BBS9: variants seen among roughly 807,000 people sequenced by gnomAD.
BBS9 encodes the protein Bardet-Biedl syndrome 9, also known as protein PTHB1.
BBS9 carries 89 observed loss-of-function variants against 117.7 expected under a neutral mutation model. The ratio of observed to expected loss-of-function variants is 0.76; its 90% confidence interval spans 0.64 to 0.90. The LOEUF is 0.90. BBS9 is among the 40% of genes least tolerant of loss of function. BBS9 has a pLI of 0.00. For missense variants in BBS9, 982 were observed against 1,042.2 expected, an observed-to-expected ratio of 0.94 and a Z score of 0.80; for synonymous variants, 379 against 370.9, an observed-to-expected ratio of 1.02 and a Z score of -0.25.
chr7:33,247,037 C>G lies in BBS9; in HGVS notation c.443-10199C>G, dbSNP rs371992789. On this transcript the variant is annotated intron_variant, in intron 5 of 22. Coordinates refer to ENST00000242067, the MANE Select transcript of BBS9 (RefSeq NM_198428.3). ...ATATTTTTTAAAGTCTTAAAACCCC[C>G]CCATTTTTGGCAAAAAAGATGAATT... Among the ~76,000 whole-genome samples, 23 of 151,764 alleles carry G rather than the reference C, an allele frequency of 1.5e-4. No individual in the cohort carries two copies. In the East Asian group the frequency reaches 1.9e-3, roughly 13 times the overall value.
chr7:33,324,616 T>TC (rs1269620173), intron 9 of BBS9, among the ~76,000 whole-genome samples: 1 of 147,246 alleles, frequency 6.8e-6, no homozygotes, highest in South Asian at 2.1e-4. Flanking sequence ...TTTTTTTTTT[T>TC]CCAGATTGAA....
At chr7:33,331,965 A>G (rs1020684025) in intron 9 of BBS9, among the ~76,000 whole-genome samples, 4 of 152,190 alleles carry the variant, frequency 2.6e-5, no homozygotes, top group African/African-American at 9.6e-5. Context: ...TGAAATTCTT[A>G]TGGAACCAAA....
At chr7:33,475,661 A>G (rs1841700916) in intron 19 of BBS9, among the ~76,000 whole-genome samples, 1 of 152,166 alleles carries the variant, frequency 6.6e-6, no homozygotes. Flanking sequence ...CCTAGGGGAC[A>G]AACTCTCTGA....
intron 1 of BBS9, among the ~76,000 whole-genome samples, chr7:33,142,931 T>G (rs1296714620): frequency 6.6e-6 from 1 of 152,166 alleles, no homozygotes; most frequent in Non-Finnish European, 1.5e-5. Context: ...CTTTTGGATA[T>G]CCACCAAGAA....
chr7:33,392,139 T>G (rs1827177861), intron 19 of BBS9, among the ~76,000 whole-genome samples: 1 of 152,248 alleles, frequency 6.6e-6, no homozygotes, highest in South Asian at 2.1e-4. Flanking sequence ...TATTCCATTC[T>G]TCTACTGAGC....
intron 10 of BBS9, among the ~76,000 whole-genome samples, chr7:33,340,073 G>C (rs1816191627): frequency 6.6e-6 from 1 of 151,814 alleles, no homozygotes; most frequent in South Asian, 2.1e-4. Flanking sequence ...ACATAAACAT[G>C]TTTAAAATTA....
Position 33,539,730 on chromosome 7 carries a change from G to A in BBS9, c.2521+5554G>A, listed in dbSNP as rs1851980559. 2.6e-5 allele frequency among the ~76,000 whole-genome samples: 4 copies of A among 152,068 alleles called. No homozygotes were observed. In the South Asian group the frequency reaches 8.3e-4, roughly 32 times the overall value. On this transcript the variant is annotated intron_variant, in intron 21 of 22. Transcript: ENST00000242067. ...TGTTGTCAGTTTTCTTTTCTTTATT[G>A]TCAACTGAACTGACTGCCAGATTTT...
chr7:33,236,021 A>G (rs1317038634), intron 5 of BBS9, among the ~76,000 whole-genome samples: 2 of 152,116 alleles, frequency 1.3e-5, no homozygotes, highest in East Asian at 1.9e-4. Flanking sequence ...CCACTACTGT[A>G]TTGTTTATAA....
intron 4 of BBS9, among the ~76,000 whole-genome samples, chr7:33,168,461 T>G (rs1158320739): frequency 6.6e-6 from 1 of 152,234 alleles, no homozygotes; most frequent in Admixed American, 6.5e-5. Context: ...TGCAGTTTAC[T>G]CAACGCATAA....
intron 20 of BBS9, among the ~76,000 whole-genome samples, chr7:33,505,977 C>T (rs575298296): frequency 4.6e-5 from 7 of 152,230 alleles, no homozygotes; most frequent in South Asian, 2.1e-4. Flanking sequence ...TTTCCTTTTC[C>T]GCCAGAGAAA....
chr7:33,529,315 C>T (rs1167997739), intron 20 of BBS9, among the ~76,000 whole-genome samples: 1 of 152,166 alleles, frequency 6.6e-6, no homozygotes, highest in Non-Finnish European at 1.5e-5. Context: ...AGGGCCTCGG[C>T]CCCTGAGTCC....
chr7:33,159,757 A>G (rs1179676986), intron 4 of BBS9, among the ~76,000 whole-genome samples: 1 of 152,198 alleles, frequency 6.6e-6, no homozygotes, highest in Non-Finnish European at 1.5e-5. Flanking sequence ...AAGAGAGATC[A>G]TGTGGCACTC....
At chr7:33,450,981 T>C (rs1022049752) in intron 19 of BBS9, among the ~76,000 whole-genome samples, 19 of 151,418 alleles carry the variant, frequency 1.3e-4, no homozygotes, top group Non-Finnish European at 2.2e-4. Context: ...CTCCGCCTCC[T>C]GGGTTCATGC....
At chr7:33,491,876 AC>A in intron 19 of BBS9, among the ~76,000 whole-genome samples, 1 of 152,104 alleles carries the variant, frequency 6.6e-6, no homozygotes, top group East Asian at 1.9e-4. Context: ...CAGGTATATG[AC>A]ATTTTTTGAA....
chr7:33,163,974 A>G (rs560211513), intron 4 of BBS9, among the ~76,000 whole-genome samples: 2 of 152,262 alleles, frequency 1.3e-5, no homozygotes, highest in South Asian at 2.1e-4. Flanking sequence ...TTTTAGTGCT[A>G]TAAGTTTCCC....
chr7:33,536,285 G>A (rs970284751), intron 21 of BBS9, among the ~76,000 whole-genome samples: 4 of 151,758 alleles, frequency 2.6e-5, no homozygotes, highest in Non-Finnish European at 4.4e-5. Context: ...CCACTCTGTG[G>A]TTGAGTGGCT....
At chr7:33,366,823 C>A (rs950163672) in intron 16 of BBS9, among the ~76,000 whole-genome samples, 1 of 152,158 alleles carries the variant, frequency 6.6e-6, no homozygotes, top group Non-Finnish European at 1.5e-5. Context: ...GGATTACAGT[C>A]ATGAGCCACC....
intron 9 of BBS9, among the ~76,000 whole-genome samples, chr7:33,329,908 T>G (rs1813653840): frequency 6.6e-6 from 1 of 152,212 alleles, no homozygotes; most frequent in South Asian, 2.1e-4. Context: ...ATTATTTTTA[T>G]GTGTGAATTG....
rs1490453627 is a variant in BBS9, at chr7:33,542,729, G to A, written c.2521+8553G>A. On this transcript the variant is annotated intron_variant, in intron 21 of 22. Transcript: ENST00000242067. ...TGTGTGTGTGTGTGTGTGTGTGTGT[G>A]TGTATATGTGTGTGTATATATATAT... Among the ~76,000 whole-genome samples, 399 of 146,932 alleles carry A rather than the reference G, an allele frequency of 2.7e-3. 4 individuals carry two copies. The highest frequency in any genetic ancestry group is 9.5e-3 in the African/African-American group (374 of 39,236).
Sources: gnomAD v4.1 joint callset for allele counts (sites outside exome capture counted in the v4.1 genomes callset) on GRCh38, gnomAD v4.1.1 for gene constraint, MANE v1.5 for transcripts, NCBI Gene and HGNC (gene_info 2026-07-23, HGNC 2026-07-21) for gene names.